The following SORBS2 variants were observed in gnomAD, a reference collection of about 807,000 sequenced individuals.
SORBS2 encodes the protein sorbin and SH3 domain containing 2.
A neutral mutation model predicts 97.7 loss-of-function variants in SORBS2; 46 were observed. That is an observed-to-expected ratio of 0.47 (90% CI 0.37 to 0.60). The LOEUF (loss-of-function observed/expected upper bound fraction) is 0.60. Among genes scored for constraint, SORBS2 ranks in the 20% least tolerant of loss-of-function variants. The pLI is 0.00. For synonymous variants in SORBS2, 476 were observed against 473.4 expected, an observed-to-expected ratio of 1.01 and a Z score of -0.07; for missense variants, 1,316 against 1,282.3, an observed-to-expected ratio of 1.03 and a Z score of -0.40.
intron 1 of SORBS2, chr4:185,813,046 C>T (rs1006920448): frequency 6.6e-6 from 1 of 152,180 alleles, no homozygotes; most frequent in Non-Finnish European, 1.5e-5. Context: ...TGATTAATGC[C>T]ATGAACAACG....
chr4:185,898,748 C>T (rs1015332388), intron 1 of SORBS2, among the ~76,000 whole-genome samples: 1 of 152,062 alleles, frequency 6.6e-6, no homozygotes, highest in Non-Finnish European at 1.5e-5. Flanking sequence ...GAGGTAATAC[C>T]CAAATCTTTA....
intron 2 of SORBS2, among the ~76,000 whole-genome samples, chr4:185,731,882 A>C (rs1220598682): frequency 0.021 from 1,353 of 62,958 alleles, 17 homozygotes; most frequent in African/African-American, 0.03. Context: ...ATATATATAT[A>C]TATATATATA....
At position 185,606,901 on chromosome 4, in the gene SORBS2, G is replaced by A. The variant is rs541392262; in HGVS notation, c.2796+4879C>T. On this transcript the variant is annotated intron_variant, in intron 12 of 14. Transcript: ENST00000418609. This position sits in a 1 kb window ranked among gnomAD's most constrained non-coding sequence, Gnocchi z 4.3. ...CACAAAATTATCCCCTAGGACTTCT[G>A]GTGCCTTTTTAGGGTCTGAGAAGCC... is the stretch of plus-strand genomic sequence containing the variant. The A allele has an allele frequency of 5.1e-6, 5 of 988,876 alleles. No individual in the cohort carries two copies. In the South Asian group the frequency reaches 2.3e-4, roughly 46 times the overall value. 61.3% of individuals were successfully genotyped at this position (988,876 alleles called of 1,614,324 possible).
chr4:185,795,701 C>A (rs892203387), intron 1 of SORBS2, among the ~76,000 whole-genome samples: 1 of 152,132 alleles, frequency 6.6e-6, no homozygotes, highest in African/African-American at 2.4e-5. Context: ...GCTGATAGAA[C>A]ATTAAAAATT....
At chr4:185,673,101 T>C (rs1391616379) in intron 4 of SORBS2, among the ~76,000 whole-genome samples, 3 of 152,162 alleles carry the variant, frequency 2.0e-5, no homozygotes, top group Admixed American at 2.0e-4. Context: ...TTATACCAAG[T>C]GAAGGCCTGT....
intron 2 of SORBS2, among the ~76,000 whole-genome samples, chr4:185,708,024 G>A (rs956123129): frequency 6.6e-6 from 1 of 152,134 alleles, no homozygotes; most frequent in African/African-American, 2.4e-5. Context: ...CCATAGGATG[G>A]TCAGGCCCAT....
intron 1 of SORBS2, among the ~76,000 whole-genome samples, chr4:185,879,509 A>T (rs1294258894): frequency 6.6e-6 from 1 of 152,204 alleles, no homozygotes; most frequent in Non-Finnish European, 1.5e-5. Flanking sequence ...TAGCAGCATG[A>T]TTTATAGTCC....
chr4:185,587,621 C>T lies in SORBS2; in HGVS notation c.*6G>A, dbSNP rs1290657961. On this transcript the variant is annotated 3_prime_UTR_variant, in exon 15 of 15. Transcript: ENST00000418609. ...AGGCGGCCTCTACAGAAGGAGGGAG[C>T]GCAATTCACAGCCTCTTGACGTAGT... The T allele has an allele frequency of 3.1e-6, 5 of 1,612,342 alleles. 1 individual carries two copies. The highest frequency in any genetic ancestry group is 2.7e-5 in the African/African-American group (2 of 74,838).
At chr4:185,715,763 T>A (rs1163251698) in intron 2 of SORBS2, among the ~76,000 whole-genome samples, 1 of 152,164 alleles carries the variant, frequency 6.6e-6, no homozygotes, top group African/African-American at 2.4e-5. Context: ...CATGTTTTCC[T>A]CCCTCGACTA....
At chr4:185,738,260 C>T (rs2098700734) in intron 2 of SORBS2, among the ~76,000 whole-genome samples, 1 of 152,172 alleles carries the variant, frequency 6.6e-6, no homozygotes. Flanking sequence ...GAGAAATTGG[C>T]TGCTTTCGGG....
chr4:185,603,165 CCTCCGT>C (rs1251868789), intron 12 of SORBS2, among the ~76,000 whole-genome samples: 2 of 152,104 alleles, frequency 1.3e-5, no homozygotes, highest in Non-Finnish European at 2.9e-5. Context: ...GATGGTGCGT[CCTCCGT>C]CTTTCCAAAT....
intron 2 of SORBS2, among the ~76,000 whole-genome samples, chr4:185,747,864 G>A (rs1033272209): frequency 5.9e-5 from 9 of 152,182 alleles, no homozygotes; most frequent in African/African-American, 1.4e-4. Context: ...GGTGGAGGGC[G>A]CCGGTAATCC....
intron 12 of SORBS2, among the ~76,000 whole-genome samples, chr4:185,602,151 A>G (rs1561335773): frequency 2.0e-5 from 3 of 152,082 alleles, no homozygotes; most frequent in African/African-American, 7.2e-5. Context: ...CTGGGATTAC[A>G]GGCACCTGTC....
intron 1 of SORBS2, among the ~76,000 whole-genome samples, chr4:185,924,670 G>C (rs1167767483): frequency 2.0e-5 from 3 of 152,296 alleles, no homozygotes; most frequent in Admixed American, 1.3e-4. Flanking sequence ...CGGGCTATGT[G>C]AATGACATGC....
intron 4 of SORBS2, among the ~76,000 whole-genome samples, chr4:185,667,797 G>T (rs1465740580): frequency 6.6e-6 from 1 of 150,650 alleles, no homozygotes; most frequent in Admixed American, 6.6e-5. Flanking sequence ...AACTTAAAAT[G>T]TTTTGGTGGG....
At chr4:185,718,675 A>G (rs775501419) in intron 2 of SORBS2, among the ~76,000 whole-genome samples, 30 of 152,164 alleles carry the variant, frequency 2.0e-4, no homozygotes, top group Admixed American at 1.3e-3. Context: ...GGTTGTTCTG[A>G]ATGTCAAGCA....
At chr4:185,848,267 A>G (rs996301003) in intron 1 of SORBS2, among the ~76,000 whole-genome samples, 4 of 152,184 alleles carry the variant, frequency 2.6e-5, no homozygotes, top group South Asian at 2.1e-4. Flanking sequence ...GGGAAAGCCA[A>G]CCTGCAGGGA....
At chr4:185,854,250 A>G (rs2099219488) in intron 1 of SORBS2, among the ~76,000 whole-genome samples, 1 of 152,218 alleles carries the variant, frequency 6.6e-6, no homozygotes, top group East Asian at 1.9e-4. Context: ...ACTAACAGTA[A>G]TAATTGTTCA....
chr4:185,716,384 G>A (rs2098465322), intron 2 of SORBS2, among the ~76,000 whole-genome samples: 1 of 152,242 alleles, frequency 6.6e-6, no homozygotes, highest in Non-Finnish European at 1.5e-5. Flanking sequence ...TGGGGTGGCT[G>A]AAGGACCCAG....
Sources: allele counts gnomAD v4.1 joint callset (sites outside exome capture counted in the v4.1 genomes callset), GRCh38; gene constraint gnomAD v4.1.1; non-coding constraint Gnocchi (gnomAD v3.1); transcripts MANE v1.5; gene names NCBI Gene and HGNC (gene_info 2026-07-23, HGNC 2026-07-21).